Variants in GPC6 observed in about 807,000 individuals in gnomAD.
GPC6 encodes the protein glypican 6, also known as glypican-6.
In GPC6, 14 loss-of-function variants were observed where a neutral mutation model predicts 55.2. That is an observed-to-expected ratio of 0.25 (90% CI 0.17 to 0.40). The LOEUF (loss-of-function observed/expected upper bound fraction) is 0.40, where lower values mean the gene tolerates loss of function less well. Ranked by LOEUF, GPC6 falls within the 10% of genes least tolerant of loss-of-function variation. The probability of loss-of-function intolerance (pLI) is 1.00; values close to 1 mark genes in which losing one functional copy is unlikely to be tolerated. For missense variants in GPC6, 641 were observed against 708.5 expected (o/e 0.90, Z 1.08); for synonymous variants, 278 against 259.6 (o/e 1.07, Z -0.68).
In GPC6 at chr13:94,084,441, A is replaced by C. The variant is rs112796148; in HGVS notation, c.877+56547A>C. ...CTTTTACTTAGCCATGATTCATGAT[A>C]GAAATCAATTGAAATTCATATGAAC... On this transcript the variant is annotated intron_variant, in intron 4 of 8. Transcript: ENST00000377047. 9.8e-3 allele frequency among the ~76,000 whole-genome samples: 1,497 copies of C among 152,328 alleles called. 30 individuals are homozygous for C. The highest frequency in any genetic ancestry group is 0.034 in the African/African-American group (1,432 of 41,558).
chr13:94,104,556 A>G (rs1885983962), intron 4 of GPC6, among the ~76,000 whole-genome samples: 1 of 152,180 alleles, frequency 6.6e-6, no homozygotes, highest in South Asian at 2.1e-4. Flanking sequence ...ACGTGATTGT[A>G]TATCTAGAAA....
intron 1 of GPC6, among the ~76,000 whole-genome samples, chr13:93,313,741 A>G (rs1198232517): frequency 6.6e-6 from 1 of 152,082 alleles, no homozygotes; most frequent in Non-Finnish European, 1.5e-5. Flanking sequence ...ATCATAGTGC[A>G]CTATAGCCTA....
intron 2 of GPC6, among the ~76,000 whole-genome samples, chr13:93,754,151 C>G (rs1440857237): frequency 2.0e-5 from 3 of 152,142 alleles, no homozygotes; most frequent in African/African-American, 7.2e-5. Flanking sequence ...CAAACTTTCT[C>G]CTCTTCCCAG....
chr13:93,652,029 AC>A (rs1336646034), intron 2 of GPC6, among the ~76,000 whole-genome samples: 1 of 152,144 alleles, frequency 6.6e-6, no homozygotes, highest in Non-Finnish European at 1.5e-5. Context: ...CACCATAACC[AC>A]CATTAAAACT....
At chr13:93,321,385 G>T (rs189629351) in intron 1 of GPC6, among the ~76,000 whole-genome samples, 41 of 152,186 alleles carry the variant, frequency 2.7e-4, no homozygotes, top group Middle Eastern at 3.4e-3. Flanking sequence ...GTAAAGGAAT[G>T]ATTTCTCTTT....
chr13:93,539,020 C>CT, intron 1 of GPC6, among the ~76,000 whole-genome samples: 1 of 151,818 alleles, frequency 6.6e-6, no homozygotes, highest in Non-Finnish European at 1.5e-5. Flanking sequence ...TGCTGGTGCG[C>CT]TGCACCCACC....
intron 1 of GPC6, among the ~76,000 whole-genome samples, chr13:93,295,050 T>A (rs1280868153): frequency 6.8e-6 from 1 of 146,710 alleles, no homozygotes; most frequent in Non-Finnish European, 1.5e-5. Flanking sequence ...GTGGGCAGAT[T>A]GCTTGAGCCT....
At chr13:93,924,428 T>G (rs534674425) in intron 3 of GPC6, among the ~76,000 whole-genome samples, 5 of 152,336 alleles carry the variant, frequency 3.3e-5, no homozygotes, top group Admixed American at 6.5e-5. Flanking sequence ...AAACATTTTA[T>G]GCTAAGGAAA....
chr13:93,884,601 T>G (rs1218212930), intron 3 of GPC6, among the ~76,000 whole-genome samples: 1 of 152,146 alleles, frequency 6.6e-6, no homozygotes, highest in Admixed American at 6.6e-5. Flanking sequence ...TAATCTTACA[T>G]AATATTTTTC....
intron 1 of GPC6, among the ~76,000 whole-genome samples, chr13:93,260,859 T>C (rs1343975735): frequency 6.6e-6 from 1 of 152,106 alleles, no homozygotes; most frequent in Non-Finnish European, 1.5e-5. Flanking sequence ...AATGTAGTAG[T>C]CATCATGATA....
chr13:93,815,764 A>G (rs1039324228), intron 2 of GPC6, among the ~76,000 whole-genome samples: 1 of 152,208 alleles, frequency 6.6e-6, no homozygotes, highest in African/African-American at 2.4e-5. Flanking sequence ...ACATCAGGAT[A>G]TCTATTGTTT....
At chr13:94,353,802 C>T (rs1181712929) in intron 6 of GPC6, among the ~76,000 whole-genome samples, 1 of 152,182 alleles carries the variant, frequency 6.6e-6, no homozygotes, top group African/African-American at 2.4e-5. Flanking sequence ...AAAGCTTTAA[C>T]TCTGCCATTC....
chr13:94,258,935 G>A (rs9561519), intron 4 of GPC6, among the ~76,000 whole-genome samples: 25,039 of 151,972 alleles, frequency 0.16, 2,509 homozygotes, highest in African/African-American at 0.3. Context: ...CAAGGGTGGG[G>A]CAGGAAACCT....
chr13:93,351,330 G>T (rs922624483), intron 1 of GPC6, among the ~76,000 whole-genome samples: 7 of 151,904 alleles, frequency 4.6e-5, no homozygotes, highest in African/African-American at 1.5e-4. Context: ...AAAATGTGTA[G>T]GGCAACATTT....
intron 1 of GPC6, among the ~76,000 whole-genome samples, chr13:93,242,326 C>T (rs1876462053): frequency 6.6e-6 from 1 of 152,154 alleles, no homozygotes; most frequent in Non-Finnish European, 1.5e-5. Flanking sequence ...AACCCAACTC[C>T]CTATCATCCT....
At chr13:93,426,682 G>A (rs1352858523) in intron 1 of GPC6, among the ~76,000 whole-genome samples, 2 of 152,108 alleles carry the variant, frequency 1.3e-5, no homozygotes, top group South Asian at 2.1e-4. Context: ...ATTGTGAATA[G>A]TGCCGCAATA....
chr13:93,950,574 A>G (rs1043431461), intron 3 of GPC6, among the ~76,000 whole-genome samples: 5 of 152,164 alleles, frequency 3.3e-5, no homozygotes, highest in African/African-American at 1.2e-4. Flanking sequence ...ACTTGTCCTT[A>G]ACAGTCACAA....
chr13:93,507,017 G>C (rs547026619), intron 1 of GPC6, among the ~76,000 whole-genome samples: 1 of 127,892 alleles, frequency 7.8e-6, no homozygotes, highest in Non-Finnish European at 1.6e-5. Context: ...AGCCGAGATC[G>C]TGCCACTGCA....
chr13:93,310,175 T>C (rs1566292119), intron 1 of GPC6, among the ~76,000 whole-genome samples: 1 of 152,196 alleles, frequency 6.6e-6, no homozygotes, highest in Non-Finnish European at 1.5e-5. Context: ...TCCACTTGAT[T>C]ACTCTCTGTG....
Sources: gnomAD v4.1 joint callset for allele counts (sites outside exome capture counted in the v4.1 genomes callset) on GRCh38, gnomAD v4.1.1 for gene constraint, MANE v1.5 for transcripts, NCBI Gene and HGNC (gene_info 2026-07-23, HGNC 2026-07-21) for gene names.